Variants in CCDC102B observed in about 807,000 individuals in gnomAD.
CCDC102B encodes coiled-coil domain containing 102B, also known as coiled-coil domain-containing protein 102B.
Under a neutral mutation model 57.4 loss-of-function variants are expected in CCDC102B, and 75 were observed. That is an observed-to-expected ratio of 1.31 (90% CI 1.08 to 1.58). The LOEUF is 1.58. CCDC102B is among the 40% of genes most tolerant of loss of function. The pLI is 0.00. For synonymous variants in CCDC102B, 206 were observed against 201.9 expected (o/e 1.02, Z -0.17); for missense variants, 636 against 582.6 (o/e 1.09, Z -0.94).
At chr18:68,938,052 G>A (rs1031299950) in intron 6 of CCDC102B, among the ~76,000 whole-genome samples, 1 of 151,990 alleles carries the variant, frequency 6.6e-6, no homozygotes, top group Non-Finnish European at 1.5e-5. Flanking sequence ...GTTGTGAATA[G>A]TGCTGCAATA....
chr18:68,942,934 C>CCT (rs1555730320), intron 6 of CCDC102B, among the ~76,000 whole-genome samples: 9 of 130,864 alleles, frequency 6.9e-5, no homozygotes, highest in South Asian at 2.6e-4. Flanking sequence ...GAGGTCCCTG[C>CCT]GGCCTTCCGC....
intron 7 of CCDC102B, among the ~76,000 whole-genome samples, chr18:69,013,968 TTA>T (rs1364807183): frequency 6.6e-6 from 1 of 152,192 alleles, no homozygotes; most frequent in East Asian, 1.9e-4. Context: ...TCTGAATCTA[TTA>T]GTTTCCTGTA....
At chr18:69,000,248 TA>T (rs918019625) in intron 6 of CCDC102B, among the ~76,000 whole-genome samples, 3 of 152,242 alleles carry the variant, frequency 2.0e-5, no homozygotes, top group South Asian at 4.1e-4. Context: ...TATCAGACAT[TA>T]AAAAAATGCA....
chr18:69,045,219 A>G (rs2052530757), intron 7 of CCDC102B, among the ~76,000 whole-genome samples: 2 of 152,254 alleles, frequency 1.3e-5, no homozygotes, highest in East Asian at 1.9e-4. Context: ...CCTAAAACGT[A>G]TCAATAGTAA....
chr18:68,745,371 C>T (rs2033571296), intron 2 of CCDC102B, among the ~76,000 whole-genome samples: 1 of 152,026 alleles, frequency 6.6e-6, no homozygotes, highest in Non-Finnish European at 1.5e-5. Context: ...TTCTCTCCTG[C>T]CTCCCACACC....
At chr18:68,753,887 A>G (rs557097864) in intron 2 of CCDC102B, 11 of 152,278 alleles carry the variant, frequency 7.2e-5, no homozygotes, top group Middle Eastern at 3.4e-3. Flanking sequence ...TGTGATTTAT[A>G]TTAATATATA....
chr18:68,884,637 A>G (rs2039814958), intron 5 of CCDC102B, among the ~76,000 whole-genome samples: 1 of 151,080 alleles, frequency 6.6e-6, no homozygotes, highest in Non-Finnish European at 1.5e-5. Context: ...TCATATATAC[A>G]TATACATCTC....
At chr18:68,906,073 C>G (rs542685949) in intron 6 of CCDC102B, among the ~76,000 whole-genome samples, 1 of 151,854 alleles carries the variant, frequency 6.6e-6, no homozygotes, top group Admixed American at 6.6e-5. Flanking sequence ...GATTACAGGC[C>G]TGAGCTACCA....
At chr18:69,025,012 A>G (rs1293336024) in intron 7 of CCDC102B, among the ~76,000 whole-genome samples, 2 of 152,120 alleles carry the variant, frequency 1.3e-5, no homozygotes, top group Non-Finnish European at 2.9e-5. Context: ...GTGTTAATAT[A>G]ATTTCTCAAG....
chr18:68,973,136 C>G (rs977399106), intron 6 of CCDC102B, among the ~76,000 whole-genome samples: 1 of 151,974 alleles, frequency 6.6e-6, no homozygotes. Context: ...CTTAAATAGT[C>G]TGACTGAATA....
intron 6 of CCDC102B, among the ~76,000 whole-genome samples, chr18:68,902,543 A>G (rs564258873): frequency 6.6e-6 from 1 of 152,306 alleles, no homozygotes; most frequent in Admixed American, 6.5e-5. Context: ...TTGTAGTTAC[A>G]GTAAGTGACA....
chr18:68,963,377 G>T (rs1471399950), intron 6 of CCDC102B, among the ~76,000 whole-genome samples: 1 of 151,940 alleles, frequency 6.6e-6, no homozygotes, highest in Non-Finnish European at 1.5e-5. Context: ...TTCCCATGGA[G>T]TGTAACAGGG....
chr18:68,728,080 T>A (rs1337848895), intron 2 of CCDC102B, among the ~76,000 whole-genome samples: 1 of 152,184 alleles, frequency 6.6e-6, no homozygotes, highest in Non-Finnish European at 1.5e-5. Context: ...TTCAATCTCT[T>A]GAAGTGGCAA....
chr18:69,027,411 T>TAC (rs1005423992), intron 7 of CCDC102B, among the ~76,000 whole-genome samples: 27 of 152,188 alleles, frequency 1.8e-4, no homozygotes, highest in Non-Finnish European at 3.8e-4. Context: ...TATATATATA[T>TAC]ACACACACAT....
At chr18:68,754,179 AC>A (rs1386793156) in intron 2 of CCDC102B, 3 of 150,536 alleles carry the variant, frequency 2.0e-5, no homozygotes, top group South Asian at 2.1e-4. Flanking sequence ...TTATAAAAAA[AC>A]AATAGCAAGA....
At chr18:68,922,291 C>G (rs568741675) in intron 6 of CCDC102B, among the ~76,000 whole-genome samples, 1 of 152,264 alleles carries the variant, frequency 6.6e-6, no homozygotes, top group Non-Finnish European at 1.5e-5. Flanking sequence ...TTGTTAATTG[C>G]AACTCATACA....
At chr18:68,725,799 A>T (rs1159791218) in intron 2 of CCDC102B, among the ~76,000 whole-genome samples, 1 of 152,148 alleles carries the variant, frequency 6.6e-6, no homozygotes, top group Non-Finnish European at 1.5e-5. Flanking sequence ...TTAGTTTTTG[A>T]TTGACTGAGC....
At position 68,781,681 on chromosome 18, in the gene CCDC102B, G is replaced by C. The variant is rs545908461; in HGVS notation, c.-66-41685G>C. On this transcript the variant is annotated intron_variant, in intron 2 of 3. Coordinates refer to the CCDC102B transcript ENST00000578970. ...TTTCTTAGGTTAATTTTGATTATAT[G>C]CCATCAAAATATTATTATTTTGTTA... 3.3e-5 allele frequency among the ~76,000 whole-genome samples: 5 copies of C among 152,178 alleles called. No individual in the cohort carries two copies. In the South Asian group the frequency reaches 8.3e-4, roughly 25 times the overall value.
At chr18:68,749,700 T>G (rs1352659299) in intron 2 of CCDC102B, among the ~76,000 whole-genome samples, 5 of 152,196 alleles carry the variant, frequency 3.3e-5, no homozygotes, top group Non-Finnish European at 5.9e-5. Context: ...GTTTTCTAAA[T>G]ATACAATCAT....
Sources: allele counts gnomAD v4.1 joint callset (sites outside exome capture counted in the v4.1 genomes callset), GRCh38; gene constraint gnomAD v4.1.1; transcripts MANE v1.5; gene names NCBI Gene and HGNC (gene_info 2026-07-23, HGNC 2026-07-21).